The following PDE8B variants were observed in gnomAD, a reference collection of about 807,000 sequenced individuals.
The protein encoded by PDE8B is high affinity cAMP-specific and IBMX-insensitive 3',5'-cyclic phosphodiesterase 8B.
A neutral mutation model predicts 101.3 loss-of-function variants in PDE8B; 26 were observed. The ratio of observed to expected loss-of-function variants is 0.26; its 90% CI spans 0.19 to 0.36. PDE8B has a LOEUF of 0.36. PDE8B is among the 10% of genes least tolerant of loss of function. PDE8B has a pLI of 1.00. For missense variants in PDE8B, 810 were observed against 1,163.1 expected (o/e 0.70, Z 4.42); for synonymous variants, 424 against 429.3 (o/e 0.99, Z 0.15).
intron 10 of PDE8B, among the ~76,000 whole-genome samples, chr5:77,353,887 T>C (rs1205124451): frequency 2.0e-5 from 3 of 152,184 alleles, no homozygotes; most frequent in Non-Finnish European, 2.9e-5. Flanking sequence ...GCCACTTTAT[T>C]TAAGAACTTT....
At chr5:77,121,944 TC>T in the PDE8B span, among the ~76,000 whole-genome samples, 2 of 152,206 alleles carry the variant, frequency 1.3e-5, no homozygotes, top group African/African-American at 2.4e-5. Context: ...CCCAGAGTCT[TC>T]TTCTAGAGAG....
At chr5:77,146,990 T>C in the PDE8B span, 20 of 468,400 alleles carry the variant, frequency 4.3e-5, no homozygotes, top group Admixed American at 4.1e-4. Flanking sequence ...CCTCAGATGA[T>C]AAGCAGCCTT....
intron 1 of PDE8B, among the ~76,000 whole-genome samples, chr5:77,308,075 C>T (rs781193911): frequency 1.1e-4 from 17 of 152,184 alleles, no homozygotes; most frequent in African/African-American, 2.4e-4. Flanking sequence ...GGCAGTTAGA[C>T]GCCTGTGTCA....
intron 1 of PDE8B, among the ~76,000 whole-genome samples, chr5:77,296,317 A>G (rs1471761305): frequency 6.6e-6 from 1 of 151,376 alleles, no homozygotes; most frequent in East Asian, 2.0e-4. Flanking sequence ...GCTGGAGTGC[A>G]GTGGTATAAA....
intron 1 of PDE8B, among the ~76,000 whole-genome samples, chr5:77,271,852 A>G (rs563420232): frequency 4.6e-5 from 7 of 152,340 alleles, no homozygotes; most frequent in African/African-American, 7.2e-5. Context: ...ACCGAGGCTT[A>G]TAACAGGTTC....
chr5:77,206,719 T>A (rs1747534583), upstream of PDE8B, among the ~76,000 whole-genome samples: 1 of 152,108 alleles, frequency 6.6e-6, no homozygotes, highest in African/African-American at 2.4e-5. Flanking sequence ...TTATACTAGA[T>A]TCACTTTCTT....
At chr5:77,176,767 A>T in the PDE8B span, among the ~76,000 whole-genome samples, 1 of 152,218 alleles carries the variant, frequency 6.6e-6, no homozygotes. Context: ...TGTTAGTAGC[A>T]TGAACCACTA....
chr5:77,285,951 T>C (rs1765926251), intron 1 of PDE8B, among the ~76,000 whole-genome samples: 1 of 152,186 alleles, frequency 6.6e-6, no homozygotes, highest in Non-Finnish European at 1.5e-5. Context: ...CGTTTTCTAT[T>C]TTTGGCTGAG....
intron 10 of PDE8B, among the ~76,000 whole-genome samples, chr5:77,381,645 G>C (rs1787481360): frequency 6.6e-6 from 1 of 151,810 alleles, no homozygotes; most frequent in African/African-American, 2.4e-5. Context: ...AGGTTGACAT[G>C]AACACATCAT....
At chr5:77,208,566 A>G (rs548362920), upstream of PDE8B, among the ~76,000 whole-genome samples, 1 of 152,296 alleles carries the variant, frequency 6.6e-6, no homozygotes, top group African/African-American at 2.4e-5. Flanking sequence ...TAAATGAATG[A>G]CTGTCCCCAT....
intron 1 of PDE8B, among the ~76,000 whole-genome samples, chr5:77,276,020 T>C (rs983082201): frequency 6.6e-6 from 1 of 152,178 alleles, no homozygotes; most frequent in Non-Finnish European, 1.5e-5. Flanking sequence ...AAAATATGAG[T>C]GTAGTTCCTG....
intron 11 of PDE8B, among the ~76,000 whole-genome samples, chr5:77,404,232 C>T (rs1372679595): frequency 4.6e-5 from 7 of 152,034 alleles, no homozygotes; most frequent in African/African-American, 7.2e-5. Flanking sequence ...GTGATCTGCC[C>T]GTCTCAGCCT....
chr5:77,234,922 CAA>C (rs1228194231), intron 1 of PDE8B, among the ~76,000 whole-genome samples: 2 of 152,176 alleles, frequency 1.3e-5, no homozygotes, highest in Non-Finnish European at 2.9e-5. Flanking sequence ...AGCATGCACG[CAA>C]AGTGCTCAAT....
At chr5:77,334,373 T>C (rs1273575411) in intron 5 of PDE8B, among the ~76,000 whole-genome samples, 2 of 152,224 alleles carry the variant, frequency 1.3e-5, no homozygotes, top group African/African-American at 4.8e-5. Flanking sequence ...AGATGCTAAT[T>C]CCATGCTGAG....
Position 77,349,574 on chromosome 5 carries a change from C to G in PDE8B, c.1017+15C>G, listed in dbSNP as rs1309080624. On this transcript the variant is annotated intron_variant, in intron 8 of 21. Transcript: ENST00000264917. ...AGAAGGGAAAGGTGGGTTACACCAG[C>G]AAAACCAATCCACGAACCCTCTCCC... The G allele has an allele frequency of 1.9e-6, 3 of 1,613,948 alleles. No individual in the cohort carries two copies. The African/African-American group carries it at 4.0e-5, about 22-fold the overall frequency.
chr5:77,165,386 T>G, the PDE8B span: 17 of 152,354 alleles, frequency 1.1e-4, no homozygotes, highest in African/African-American at 4.1e-4. Flanking sequence ...ACAGGCCTGC[T>G]TCAGCATAGC....
chr5:77,290,735 T>C (rs373967119), intron 1 of PDE8B: 57 of 1,493,686 alleles, frequency 3.8e-5, no homozygotes, highest in East Asian at 3.6e-4. Context: ...AGTGGAATCC[T>C]GTAGGCCTGG....
chr5:77,368,852 A>G (rs1404536493), intron 10 of PDE8B, among the ~76,000 whole-genome samples: 4 of 152,208 alleles, frequency 2.6e-5, no homozygotes, highest in Non-Finnish European at 5.9e-5. Context: ...ATACTCAGAT[A>G]TATGGAAACA....
At chr5:77,234,623 G>A (rs994679034) in intron 1 of PDE8B, among the ~76,000 whole-genome samples, 2 of 152,150 alleles carry the variant, frequency 1.3e-5, no homozygotes, top group South Asian at 2.1e-4. Flanking sequence ...GTCTACCAGA[G>A]ACTCCAGTCT....
Sources: allele counts gnomAD v4.1 joint callset (sites outside exome capture counted in the v4.1 genomes callset), GRCh38; gene constraint gnomAD v4.1.1; transcripts MANE v1.5; gene names NCBI Gene and HGNC (gene_info 2026-07-23, HGNC 2026-07-21).